The following TRAM2 variants were observed in gnomAD, a reference collection of about 807,000 sequenced individuals.
TRAM2 encodes translocating chain-associated membrane protein 2.
Under a neutral mutation model 51.0 loss-of-function variants are expected in TRAM2, and 12 were observed. The observed-to-expected ratio is 0.24, with a 90% CI of 0.15 to 0.38. The LOEUF (loss-of-function observed/expected upper bound fraction) is 0.38, where lower values mean the gene tolerates loss of function less well. Among genes scored for constraint, TRAM2 ranks in the 10% least tolerant of loss-of-function variants. The pLI, the probability that TRAM2 is intolerant of heterozygous loss-of-function variation, is 1.00. For missense variants in TRAM2, 361 were observed against 462.0 expected (o/e 0.78, Z 2.00); for synonymous variants, 175 against 179.4 (o/e 0.98, Z 0.20).
intron 1 of TRAM2, among the ~76,000 whole-genome samples, chr6:52,543,641 C>T (rs1767144699): frequency 6.6e-6 from 1 of 152,128 alleles, no homozygotes; most frequent in South Asian, 2.1e-4. Flanking sequence ...AAAAGAAACC[C>T]CTCACCGGTG....
chr6:52,566,347 G>C (rs1050662545), intron 1 of TRAM2, among the ~76,000 whole-genome samples: 5 of 152,114 alleles, frequency 3.3e-5, no homozygotes, highest in African/African-American at 9.7e-5. Flanking sequence ...TGAAGTCTCT[G>C]AATCAACACC....
intron 1 of TRAM2, among the ~76,000 whole-genome samples, chr6:52,553,517 C>T (rs1767347883): frequency 6.6e-6 from 1 of 152,212 alleles, no homozygotes; most frequent in African/African-American, 2.4e-5. Flanking sequence ...GTTCATCTGC[C>T]TTGGCTTTCC....
At chr6:52,567,150 C>T (rs1016692549) in intron 1 of TRAM2, among the ~76,000 whole-genome samples, 1 of 152,220 alleles carries the variant, frequency 6.6e-6, no homozygotes, top group Non-Finnish European at 1.5e-5. Flanking sequence ...AGCAACCCAA[C>T]TGGTAGGGCT....
chr6:52,502,414 C>T lies in TRAM2; in HGVS notation c.*783G>A, dbSNP rs762191681. On this transcript the variant is annotated 3_prime_UTR_variant, in exon 11 of 11. Coordinates refer to ENST00000182527, the MANE Select transcript of TRAM2 (RefSeq NM_012288.4). ...TGCCTGCTGCGCAGTTTGCTCTGCT[C>T]TCGCTCTAAGCAGTGGGAAGACGTG... 6.9e-6 allele frequency: 1 copy of T among 144,722 alleles called. No homozygotes were observed. The highest frequency in any genetic ancestry group is 1.5e-5 in the Non-Finnish European group (1 of 66,348). The allele number at this position is 144,722 out of a possible 1,614,324, so 9.0% of individuals were successfully genotyped here. A position where few individuals can be genotyped will look rare whatever the true frequency, so the allele number is the denominator to read the frequency against.
In TRAM2 at chr6:52,535,858, A is replaced by G. The variant is rs755035003; in HGVS notation, c.121-12T>C. Reference sequence around the variant, plus strand: ...GTCTTGGCTGTGACCTGTAAAACAAAGGAAAAGAGTTCCAGTTTAGCTTTT... The same window carrying G: ...GTCTTGGCTGTGACCTGTAAAACAAGGGAAAAGAGTTCCAGTTTAGCTTTT... On this transcript the variant is annotated splice_polypyrimidine_tract_variant and intron_variant, in intron 1 of 10. Transcript: ENST00000182527. The G allele has an allele frequency of 1.2e-6, 2 of 1,612,632 alleles. No homozygotes were observed. The highest frequency in any genetic ancestry group is 1.7e-6 in the Non-Finnish European group (2 of 1,179,090).
At chr6:52,547,931 C>G (rs577362226) in intron 1 of TRAM2, among the ~76,000 whole-genome samples, 9 of 152,356 alleles carry the variant, frequency 5.9e-5, no homozygotes, top group Non-Finnish European at 1.3e-4. Flanking sequence ...AATTCCAGAT[C>G]TGACAATGGC....
chr6:52,510,652 A>C (rs950737551), intron 4 of TRAM2, among the ~76,000 whole-genome samples: 1 of 152,206 alleles, frequency 6.6e-6, no homozygotes, highest in Non-Finnish European at 1.5e-5. Context: ...CCCATACCCA[A>C]GGTGAAAACA....
intron 1 of TRAM2, among the ~76,000 whole-genome samples, chr6:52,558,543 T>G (rs142419531): frequency 6.6e-6 from 1 of 152,344 alleles, no homozygotes; most frequent in East Asian, 1.9e-4. Flanking sequence ...ATGGCAGATT[T>G]AATGTTACAT....
At chr6:52,507,421 A>G (rs1421407516) in intron 7 of TRAM2, 132 bp downstream of exon 7, 2 of 833,762 alleles carry the variant, frequency 2.4e-6, no homozygotes, top group Non-Finnish European at 3.8e-6. Flanking sequence ...CCATCTTTGT[A>G]TTGCCAAGTC....
At chr6:52,559,756 T>C (rs1767467197) in intron 1 of TRAM2, among the ~76,000 whole-genome samples, 1 of 152,210 alleles carries the variant, frequency 6.6e-6, no homozygotes, top group Admixed American at 6.5e-5. Context: ...GCTTACCCCA[T>C]TTTTAAACTA....
intron 1 of TRAM2, among the ~76,000 whole-genome samples, chr6:52,536,164 T>C (rs1766974669): frequency 6.6e-6 from 1 of 152,194 alleles, no homozygotes; most frequent in Non-Finnish European, 1.5e-5. Flanking sequence ...CAGATATTTA[T>C]CAGTTTAGTT....
chr6:52,515,972 C>T, intron 4 of TRAM2, 34 bp downstream of exon 4: 1 of 1,595,808 alleles, frequency 6.3e-7, no homozygotes, highest in Middle Eastern at 1.7e-4. Context: ...TTGGTTTGAG[C>T]TCTCCCGCTT....
intron 1 of TRAM2, among the ~76,000 whole-genome samples, chr6:52,553,894 T>C (rs1335466900): frequency 1.3e-5 from 2 of 152,198 alleles, no homozygotes; most frequent in Non-Finnish European, 2.9e-5. Flanking sequence ...TTTTTATCAT[T>C]GCTTTGTCAT....
intron 1 of TRAM2, among the ~76,000 whole-genome samples, chr6:52,543,546 A>G (rs1211396968): frequency 6.6e-6 from 1 of 152,230 alleles, no homozygotes; most frequent in East Asian, 1.9e-4. Context: ...AACATAAAAA[A>G]GAAAGGATTA....
intron 2 of TRAM2, among the ~76,000 whole-genome samples, chr6:52,534,249 C>T (rs1459476364): frequency 7.3e-5 from 11 of 151,120 alleles, no homozygotes; most frequent in Non-Finnish European, 4.4e-5. Context: ...GGCACGGTGG[C>T]GCATGCCTGT....
intron 7 of TRAM2, 98 bp from the exon 8 acceptor site, chr6:52,506,234 G>A: frequency 8.9e-7 from 1 of 1,126,180 alleles, no homozygotes; most frequent in Non-Finnish European, 1.3e-6. Context: ...TGCCTGGCTG[G>A]GCTCTGCTTT....
At chr6:52,513,412 G>C (rs1289189670) in intron 4 of TRAM2, among the ~76,000 whole-genome samples, 1 of 152,146 alleles carries the variant, frequency 6.6e-6, no homozygotes, top group African/African-American at 2.4e-5. Flanking sequence ...CCATACCAGG[G>C]ATACAGCAGT....
chr6:52,532,132 G>A (rs758268365), intron 2 of TRAM2, among the ~76,000 whole-genome samples: 5 of 152,148 alleles, frequency 3.3e-5, no homozygotes, highest in Admixed American at 1.3e-4. Flanking sequence ...GAATGCTTGA[G>A]GATATCACTT....
At chr6:52,521,757 A>T (rs1766680562) in intron 2 of TRAM2, among the ~76,000 whole-genome samples, 1 of 150,286 alleles carries the variant, frequency 6.7e-6, no homozygotes, top group African/African-American at 2.4e-5. Flanking sequence ...AAAATAAAAT[A>T]AAAATAAATA....
Sources: allele counts gnomAD v4.1 joint callset (sites outside exome capture counted in the v4.1 genomes callset), GRCh38; gene constraint gnomAD v4.1.1; transcripts MANE v1.5; gene names NCBI Gene and HGNC (gene_info 2026-07-23, HGNC 2026-07-21).